MBD2: variants seen among roughly 807,000 people sequenced by gnomAD.
MBD2 encodes methyl-CpG-binding domain protein 2.
Under a neutral mutation model 39.3 loss-of-function variants are expected in MBD2, and 9 were observed. The ratio of observed to expected loss-of-function variants is 0.23; its 90% CI spans 0.14 to 0.40. The LOEUF (loss-of-function observed/expected upper bound fraction) is 0.40. MBD2 is among the 10% of genes least tolerant of loss of function. The probability of loss-of-function intolerance (pLI) is 1.00; values close to 1 mark genes in which losing one functional copy is unlikely to be tolerated. For synonymous variants in MBD2, 233 were observed against 211.1 expected (o/e 1.10, Z -0.90); for missense variants, 458 against 532.6 (o/e 0.86, Z 1.38).
In MBD2 at chr18:54,224,196, G is replaced by A. The variant is rs1246931077; in HGVS notation, c.364C>T (p.Pro122Ser). The stretch of plus-strand genomic sequence containing the variant: ...GGGAAAGGGACCGGCTCCCGCCGGG[G>A]GGCGCCGCCGCCACCGCTGCCGCCG... ...GGGGSGGGGA[P>S]RREPVPFPSG... Residue 122 changes from proline to serine, a missense_variant, in exon 1 of 7, where the codon CCC becomes TCC. Physicochemically the swap from Pro to Ser is moderately conservative, Grantham distance 74. Transcript: ENST00000256429. 4.1e-6 allele frequency: 5 copies of A among 1,208,898 alleles called. No individual in the cohort carries two copies. Among genetic ancestry groups the A allele is most frequent in the South Asian group, 4.0e-5 (1 of 24,872 alleles). The allele number at this position is 1,208,898 out of a possible 1,614,324, so 74.9% of individuals were successfully genotyped here.
At chr18:54,208,719 A>C (rs2086473972) in intron 1 of MBD2, among the ~76,000 whole-genome samples, 1 of 152,232 alleles carries the variant, frequency 6.6e-6, no homozygotes, top group Admixed American at 6.5e-5. Flanking sequence ...GACAAACTTC[A>C]CAAATTAAAC....
rs555699654 is a variant in MBD2 at position 54,157,049 on chromosome 18, T to C, written c.*13-1738A>G. Among the ~76,000 whole-genome samples, 16 of 152,154 alleles carry C rather than the reference T, an allele frequency of 1.1e-4. No individual in the cohort carries two copies. The South Asian group carries it at 3.3e-3, about 32-fold the overall frequency. On this transcript the variant is annotated intron_variant, in intron 6 of 6. Coordinates refer to ENST00000256429, the MANE Select transcript of MBD2 (RefSeq NM_003927.5). The stretch of plus-strand genomic sequence containing the variant: ...ATCAGGTGAGATCCAGATCCCTCTG[T>C]GCTCCAGAGACGGTGTGGCTGCAGC...
chr18:54,188,155 T>A (rs1471390687), intron 3 of MBD2, among the ~76,000 whole-genome samples: 1 of 152,122 alleles, frequency 6.6e-6, no homozygotes, highest in African/African-American at 2.4e-5. Flanking sequence ...CCCCAATTGC[T>A]ACTAAAAATT....
intron 1 of MBD2, 52 bp downstream of exon 1, chr18:54,223,966 C>T: frequency 6.8e-7 from 1 of 1,463,606 alleles, no homozygotes; most frequent in South Asian, 1.2e-5. Context: ...CCGCTCTTGA[C>T]CCCTGACCCC....
chr18:54,182,827 G>A (rs925139911), intron 3 of MBD2, among the ~76,000 whole-genome samples: 2 of 152,106 alleles, frequency 1.3e-5, no homozygotes, highest in African/African-American at 4.8e-5. Flanking sequence ...GGCTACTCAG[G>A]AGGCTGAGGT....
chr18:54,167,484 A>G (rs1224075333), intron 3 of MBD2, among the ~76,000 whole-genome samples: 1 of 152,246 alleles, frequency 6.6e-6, no homozygotes, highest in Non-Finnish European at 1.5e-5. Context: ...TGTATAAAGT[A>G]TCCATTATAT....
chr18:54,219,524 G>GAATTATGAGAAAGAA (rs1161906516), intron 1 of MBD2, among the ~76,000 whole-genome samples: 1 of 152,142 alleles, frequency 6.6e-6, no homozygotes, highest in African/African-American at 2.4e-5. Context: ...AACTACATAG[G>GAATTATGAGAAAGAA]AATTATGAGA....
rs1273152388 is a variant in MBD2, at chr18:54,180,897, CTTTTTCTT to C, written c.840+7969_840+7976del. 9.9e-3 allele frequency among the ~76,000 whole-genome samples: 1,037 copies of C among 105,200 alleles called. 3 individuals are homozygous for C. Among genetic ancestry groups the C allele is most frequent in the African/African-American group, 0.037 (954 of 25,666 alleles). The allele number at this position is 105,200 out of a possible 152,430, so 69.0% of individuals were successfully genotyped here. On this transcript the variant is annotated intron_variant, in intron 3 of 6. Transcript: ENST00000256429. ...CAGCCTATGTATTCCTTAATTTTTT[CTTTTTCTT>C]TTTTTTTTTTTTTTTTTTTTTGAGA...
intron 2 of MBD2, chr18:54,203,222 G>C (rs115672716): frequency 1.6e-6 from 2 of 1,283,832 alleles, no homozygotes; most frequent in Non-Finnish European, 2.2e-6. Flanking sequence ...TGTGGTTCTG[G>C]TAACAGTACA....
At position 54,224,214 on chromosome 18, in the gene MBD2, T is replaced by TGCCGCCGCCGCCGCAGCCGCC. The variant is rs1555665528; in HGVS notation, c.325_345dup (p.Gly109_Gly115dup). On this transcript the variant is annotated inframe_insertion, in exon 1 of 7. Coordinates refer to ENST00000256429, the MANE Select transcript of MBD2 (RefSeq NM_003927.5). Reference sequence around the variant, plus strand: ...CGCCGGGGGGCGCCGCCGCCACCGCTGCCGCCGCCGCCGCAGCCGCCGCCG... The same window carrying TGCCGCCGCCGCCGCAGCCGCC: ...CGCCGGGGGGCGCCGCCGCCACCGCTGCCGCCGCCGCCGCAGCCGCCGCCGCCGCCGCCGCAGCCGCCGCCG... The TGCCGCCGCCGCCGCAGCCGCC allele has an allele frequency of 5.6e-5, 63 of 1,121,550 alleles. No homozygotes were observed. Among genetic ancestry groups the TGCCGCCGCCGCCGCAGCCGCC allele is most frequent in the Non-Finnish European group, 2.2e-6 (2 of 916,236 alleles). The allele number at this position is 1,121,550 out of a possible 1,614,324, so 69.5% of individuals were successfully genotyped here.
In MBD2 at chr18:54,220,513, T is replaced by C. The variant is rs372124793; in HGVS notation, c.542+3505A>G. 1.1e-4 allele frequency among the ~76,000 whole-genome samples: 16 copies of C among 152,324 alleles called. No homozygotes were observed. The East Asian group carries it at 2.9e-3, about 27-fold the overall frequency. On this transcript the variant is annotated intron_variant, in intron 1 of 6. Transcript: ENST00000256429. ...GCTTAATTTCAGTCCAATTAATAAG[T>C]GCCTGCCACACCCTACATTAACAGG... is the stretch of plus-strand genomic sequence containing the variant.
At chr18:54,169,230 G>A (rs1568080188) in intron 3 of MBD2, among the ~76,000 whole-genome samples, 2 of 152,250 alleles carry the variant, frequency 1.3e-5, no homozygotes, top group South Asian at 2.1e-4. Flanking sequence ...TTCTTTCCAA[G>A]CCTGTTCCTC....
intron 3 of MBD2, among the ~76,000 whole-genome samples, chr18:54,175,944 G>A (rs1427856945): frequency 1.3e-5 from 2 of 152,166 alleles, no homozygotes; most frequent in African/African-American, 2.4e-5. Flanking sequence ...TAGACTACAA[G>A]CATTTCTTTT....
At chr18:54,179,286 T>A (rs2086232900) in intron 3 of MBD2, among the ~76,000 whole-genome samples, 1 of 152,218 alleles carries the variant, frequency 6.6e-6, no homozygotes, top group Admixed American at 6.5e-5. Context: ...AAAAGAAAAT[T>A]TTGTTTTTTA....
intron 3 of MBD2, among the ~76,000 whole-genome samples, chr18:54,171,081 G>A (rs1420940053): frequency 6.6e-6 from 1 of 151,760 alleles, no homozygotes; most frequent in Non-Finnish European, 1.5e-5. Flanking sequence ...TTCGAGTTAT[G>A]AGAAAGACTG....
chr18:54,187,692 A>G (rs2086294466), intron 3 of MBD2: 1 of 985,776 alleles, frequency 1.0e-6, no homozygotes, highest in Non-Finnish European at 1.2e-6. Flanking sequence ...CGCATCTTTT[A>G]TGTTGGATGT....
At chr18:54,190,538 A>C (rs2086313406) in intron 2 of MBD2, among the ~76,000 whole-genome samples, 1 of 152,168 alleles carries the variant, frequency 6.6e-6, no homozygotes, top group East Asian at 1.9e-4. Flanking sequence ...GGTGAATAAT[A>C]ATCTTGTTTA....
chr18:54,182,112 T>A (rs886154842), intron 3 of MBD2, among the ~76,000 whole-genome samples: 8 of 152,232 alleles, frequency 5.3e-5, no homozygotes, highest in Non-Finnish European at 1.0e-4. Flanking sequence ...TTCACTGCAG[T>A]ATCCCATTGT....
intron 3 of MBD2, among the ~76,000 whole-genome samples, chr18:54,172,636 T>TA (rs1000655554): frequency 3.0e-4 from 44 of 148,770 alleles, no homozygotes; most frequent in Middle Eastern, 3.5e-3. Flanking sequence ...TCTGTTGTGT[T>TA]AAAAAAAAAA....
Sources: allele counts gnomAD v4.1 joint callset (sites outside exome capture counted in the v4.1 genomes callset), GRCh38; gene constraint gnomAD v4.1.1; transcripts MANE v1.5; gene names NCBI Gene and HGNC (gene_info 2026-07-23, HGNC 2026-07-21).